Variants in CPNE9 observed in about 807,000 individuals in gnomAD.
The protein encoded by CPNE9 is copine-9.
Under a neutral mutation model 83.0 loss-of-function variants are expected in CPNE9, and 59 were observed. That is an observed-to-expected ratio of 0.71 (90% CI 0.58 to 0.88). CPNE9 has a LOEUF of 0.88. CPNE9 is among the 40% of genes least tolerant of loss of function. CPNE9 has a pLI of 0.00. For synonymous variants in CPNE9, 256 were observed against 273.4 expected, an observed-to-expected ratio of 0.94 and a Z score of 0.63; for missense variants, 619 against 720.8, an observed-to-expected ratio of 0.86 and a Z score of 1.62.
rs764674766 is a variant in CPNE9, at chr3:9,704,405, C to A, written c.69-182C>A. Among the ~76,000 whole-genome samples the A allele has an allele frequency of 6.6e-6, 1 of 152,150 alleles. No individual in the cohort carries two copies. Among genetic ancestry groups the A allele is most frequent in the Non-Finnish European group, 1.5e-5 (1 of 68,026 alleles). On this transcript the variant is annotated intron_variant, in intron 1 of 20. Transcript: ENST00000383832. The surrounding 1 kb of genome is among the most constrained non-coding windows in gnomAD (Gnocchi z 7.1). ...GCGTCCAGTCCGCAGAGCCATGGTT[C>A]CTGGACAGCGATTTCCGGTGCTGTC...
At chr3:9,726,589 C>T in intron 18 of CPNE9, 76 bp from the exon 19 acceptor site, 1 of 1,149,102 alleles carries the variant, frequency 8.7e-7, no homozygotes, top group Non-Finnish European at 1.3e-6. Flanking sequence ...CACACATACA[C>T]AGAGAACTGT....
At chr3:9,708,025 A>G (rs1013018381) in intron 7 of CPNE9, among the ~76,000 whole-genome samples, 1 of 152,188 alleles carries the variant, frequency 6.6e-6, no homozygotes, top group African/African-American at 2.4e-5. Context: ...TGCAGCCTCC[A>G]GTTCCTGGGC....
intron 19 of CPNE9, 45 bp from the exon 20 acceptor site, chr3:9,727,067 TG>T (rs781323269): frequency 1.2e-6 from 2 of 1,603,672 alleles, no homozygotes; most frequent in East Asian, 2.2e-5. Context: ...CAGCATGGGG[TG>T]GGGCTGGAGA....
chr3:9,715,568 G>T (rs377739390), intron 13 of CPNE9, 42 bp downstream of exon 13: 1 of 1,537,342 alleles, frequency 6.5e-7, no homozygotes, highest in Admixed American at 1.7e-5. Flanking sequence ...GGATCCTTCC[G>T]TGTCTGTCCC....
intron 20 of CPNE9, 113 bp from the exon 21 acceptor site, chr3:9,729,394 T>C: frequency 1.4e-6 from 2 of 1,406,804 alleles, no homozygotes; most frequent in Non-Finnish European, 1.9e-6. Flanking sequence ...GAGAGGGAGA[T>C]ACTGTGATAG....
At chr3:9,727,800 G>C (rs150473498) in intron 20 of CPNE9, among the ~76,000 whole-genome samples, 9 of 152,330 alleles carry the variant, frequency 5.9e-5, no homozygotes, top group Admixed American at 5.9e-4. Context: ...GCTGCATGGT[G>C]GGTGGACAGT....
intron 11 of CPNE9, 150 bp downstream of exon 11, chr3:9,715,105 C>T (rs2076668188): frequency 5.5e-6 from 5 of 914,158 alleles, no homozygotes; most frequent in African/African-American, 1.7e-5. Flanking sequence ...CTGATCCCCC[C>T]AATTGTCTCT....
chr3:9,728,814 C>T (rs1268988833), intron 20 of CPNE9, among the ~76,000 whole-genome samples: 1 of 151,790 alleles, frequency 6.6e-6, no homozygotes, highest in Non-Finnish European at 1.5e-5. Flanking sequence ...CTCTCTCTTC[C>T]CAGCCCCTTC....
chr3:9,705,377 A>ACC, intron 4 of CPNE9, 87 bp from the exon 5 acceptor site: 1 of 1,126,302 alleles, frequency 8.9e-7, no homozygotes, highest in Non-Finnish European at 1.3e-6. Context: ...CCTCCACCCA[A>ACC]AATTTTCACC....
intron 20 of CPNE9, 53 bp downstream of exon 20, chr3:9,727,239 C>T: frequency 6.3e-7 from 1 of 1,593,502 alleles, no homozygotes; most frequent in Non-Finnish European, 8.6e-7. Flanking sequence ...TGAGAAGAGG[C>T]TAAGTTGGGA....
intron 15 of CPNE9, among the ~76,000 whole-genome samples, chr3:9,717,644 A>C (rs1175573302): frequency 6.6e-6 from 1 of 152,134 alleles, no homozygotes; most frequent in Non-Finnish European, 1.5e-5. Flanking sequence ...GTGGAAAATG[A>C]AGAAAAATGG....
At chr3:9,718,736 C>G in intron 17 of CPNE9, 134 bp downstream of exon 17, 1 of 1,056,108 alleles carries the variant, frequency 9.5e-7, no homozygotes, top group Non-Finnish European at 1.3e-6. Context: ...CATGGTGGCT[C>G]ATACCTGTAA....
chr3:9,706,101 G>C, intron 7 of CPNE9, 38 bp downstream of exon 7: 1 of 1,599,886 alleles, frequency 6.3e-7, no homozygotes, highest in East Asian at 2.2e-5. Flanking sequence ...GTGGGGTGGG[G>C]GCTTCCAAAT....
intron 17 of CPNE9, among the ~76,000 whole-genome samples, chr3:9,718,867 T>C (rs1355613632): frequency 1.3e-5 from 2 of 148,588 alleles, no homozygotes; most frequent in Non-Finnish European, 3.0e-5. Context: ...AGACAGAGTC[T>C]TGCTCTGTTG....
At chr3:9,724,503 G>A (rs1042490731) in intron 17 of CPNE9, among the ~76,000 whole-genome samples, 3 of 152,218 alleles carry the variant, frequency 2.0e-5, no homozygotes, top group Non-Finnish European at 2.9e-5. Context: ...ATCCCTGAGC[G>A]GTCTAAGCTC....
intron 20 of CPNE9, chr3:9,727,592 A>G (rs1350513812): frequency 1.7e-6 from 1 of 597,426 alleles, no homozygotes; most frequent in Non-Finnish European, 3.0e-6. Context: ...TAAGCATTAC[A>G]GGGAGAGGAG....
chr3:9,707,995 A>G (rs1471014744), intron 7 of CPNE9, among the ~76,000 whole-genome samples: 2 of 152,142 alleles, frequency 1.3e-5, no homozygotes, highest in African/African-American at 2.4e-5. Context: ...CTGGAGCGCG[A>G]TGGTGCAATG....
intron 10 of CPNE9, 65 bp from the exon 11 acceptor site, chr3:9,714,849 G>A (rs1228436227): frequency 2.2e-6 from 3 of 1,353,768 alleles, no homozygotes; most frequent in Non-Finnish European, 3.1e-6. Context: ...GTGTGGTTAA[G>A]TGTATGAGGG....
chr3:9,705,082 C>T, intron 4 of CPNE9, 88 bp downstream of exon 4: 1 of 972,072 alleles, frequency 1.0e-6, no homozygotes, highest in Admixed American at 2.0e-5. Context: ...GCCTCGCCTC[C>T]GGCCTGGTTC....
Sources: gnomAD v4.1 joint callset for allele counts (sites outside exome capture counted in the v4.1 genomes callset) on GRCh38, gnomAD v4.1.1 for gene constraint, Gnocchi (gnomAD v3.1) non-coding constraint, MANE v1.5 for transcripts, NCBI Gene and HGNC (gene_info 2026-07-23, HGNC 2026-07-21) for gene names.